Variants in PPP1R12B observed in about 807,000 individuals in gnomAD.
The protein encoded by PPP1R12B is myosin phosphatase target subunit 2.
In PPP1R12B, 76 loss-of-function variants were observed where a neutral mutation model predicts 126.1. The ratio of observed to expected loss-of-function variants is 0.60; its 90% CI spans 0.50 to 0.73. The LOEUF is 0.73. PPP1R12B is among the 30% of genes least tolerant of loss of function. The pLI, the probability that PPP1R12B is intolerant of heterozygous loss-of-function variation, is 0.00. For synonymous variants in PPP1R12B, 356 were observed against 434.7 expected (o/e 0.82, Z 2.25); for missense variants, 1,052 against 1,205.1 (o/e 0.87, Z 1.88).
chr1:202,481,511 T>C (rs1677356459), intron 13 of PPP1R12B, among the ~76,000 whole-genome samples: 1 of 150,224 alleles, frequency 6.7e-6, no homozygotes, highest in Non-Finnish European at 1.5e-5. Flanking sequence ...ACTCTTCTAA[T>C]TTTTTGTTTT....
chr1:202,498,985 A>G (rs1033126612), intron 18 of PPP1R12B, among the ~76,000 whole-genome samples: 1 of 152,142 alleles, frequency 6.6e-6, no homozygotes, highest in African/African-American at 2.4e-5. Flanking sequence ...TCTCTTCCCA[A>G]GACTCTAATA....
chr1:202,445,378 T>A (rs1003614684), intron 12 of PPP1R12B: 1 of 660,540 alleles, frequency 1.5e-6, no homozygotes, highest in African/African-American at 1.9e-5. Context: ...ATGCTTTTGC[T>A]TTGACTTGTA....
At chr1:202,394,241 C>A (rs1664579386) in intron 1 of PPP1R12B, among the ~76,000 whole-genome samples, 1 of 151,402 alleles carries the variant, frequency 6.6e-6, no homozygotes, top group Non-Finnish European at 1.5e-5. Context: ...TCGCGCCAGC[C>A]AAGATCGCAG....
intron 22 of PPP1R12B, among the ~76,000 whole-genome samples, chr1:202,568,625 A>G (rs1269978604): frequency 6.6e-6 from 1 of 152,172 alleles, no homozygotes; most frequent in Non-Finnish European, 1.5e-5. Context: ...GGAAAGAGAA[A>G]TGGAACGGGA....
chr1:202,491,807 A>ATT (rs1163130647), intron 14 of PPP1R12B, among the ~76,000 whole-genome samples: 3 of 152,066 alleles, frequency 2.0e-5, no homozygotes, highest in Non-Finnish European at 4.4e-5. Flanking sequence ...TTTTGAGGAG[A>ATT]TTTTATTAGA....
intron 18 of PPP1R12B, among the ~76,000 whole-genome samples, chr1:202,533,639 T>C (rs981356800): frequency 4.6e-5 from 7 of 152,134 alleles, no homozygotes; most frequent in African/African-American, 7.2e-5. Flanking sequence ...TTTTTGAAGA[T>C]AGCAGGCCAG....
At position 202,564,368 on chromosome 1, in the gene PPP1R12B, C is replaced by T. The variant is rs892967367; in HGVS notation, c.2653-75C>T. On this transcript the variant is annotated intron_variant, in intron 20 of 23. Transcript: ENST00000608999. ...ATAGTGGTGGCTTGGGGCACAGAGCCCTGGGCATTCTCATGTGATGAAATG... is the reference window on the plus strand; with the variant it reads ...ATAGTGGTGGCTTGGGGCACAGAGCTCTGGGCATTCTCATGTGATGAAATG... 5 of 1,106,130 alleles carry T rather than the reference C, an allele frequency of 4.5e-6. No homozygotes were observed. In the Admixed American group the frequency reaches 9.6e-5, roughly 21 times the overall value. 68.5% of individuals were successfully genotyped at this position (1,106,130 alleles called of 1,614,324 possible).
chr1:202,353,112 G>C (rs1656338792), intron 1 of PPP1R12B, among the ~76,000 whole-genome samples: 1 of 152,184 alleles, frequency 6.6e-6, no homozygotes, highest in South Asian at 2.1e-4. Flanking sequence ...GATAGGCTGA[G>C]CAATTTATAT....
intron 13 of PPP1R12B, among the ~76,000 whole-genome samples, chr1:202,451,744 C>T (rs1397928413): frequency 2.0e-5 from 3 of 151,662 alleles, no homozygotes; most frequent in East Asian, 2.0e-4. Flanking sequence ...CCAGTAGGGG[C>T]GGCCGGGCAG....
chr1:202,373,333 G>A (rs1350994248), intron 1 of PPP1R12B, among the ~76,000 whole-genome samples: 1 of 152,142 alleles, frequency 6.6e-6, no homozygotes, highest in African/African-American at 2.4e-5. Flanking sequence ...ATTTTTCAGA[G>A]AAAAATTTGA....
At chr1:202,569,053 C>CTG in intron 22 of PPP1R12B, 94 bp from the exon 23 acceptor site, 2 of 1,379,894 alleles carry the variant, frequency 1.4e-6, no homozygotes, top group Non-Finnish European at 2.1e-6. Context: ...AAACCTTTGA[C>CTG]CGTGAATCTG....
chr1:202,510,846 C>T (rs1474507970), intron 18 of PPP1R12B, among the ~76,000 whole-genome samples: 2 of 147,234 alleles, frequency 1.4e-5, no homozygotes, highest in African/African-American at 5.0e-5. Context: ...TTATCCAATA[C>T]AAGTTTTATT....
At chr1:202,542,248 G>GT (rs1685200946) in intron 18 of PPP1R12B, among the ~76,000 whole-genome samples, 1 of 152,124 alleles carries the variant, frequency 6.6e-6, no homozygotes, top group Non-Finnish European at 1.5e-5. Context: ...TTAACAACTG[G>GT]TTTTGTGATG....
chr1:202,404,324 T>G (rs1202470188), intron 1 of PPP1R12B, among the ~76,000 whole-genome samples: 1 of 152,022 alleles, frequency 6.6e-6, no homozygotes. Flanking sequence ...CCCACCCCCT[T>G]TTTAGTCTAT....
intron 5 of PPP1R12B, 131 bp downstream of exon 5, chr1:202,427,315 C>T (rs1043086277): frequency 4.0e-6 from 5 of 1,253,308 alleles, no homozygotes; most frequent in Admixed American, 2.8e-5. Context: ...TATAATGTTA[C>T]CCTCCACCAC....
At chr1:202,505,067 G>A (rs1041808330) in intron 18 of PPP1R12B, among the ~76,000 whole-genome samples, 8 of 152,152 alleles carry the variant, frequency 5.3e-5, no homozygotes, top group African/African-American at 1.4e-4. Context: ...CACAGAAGTA[G>A]CCCCAAATCT....
intron 1 of PPP1R12B, among the ~76,000 whole-genome samples, chr1:202,389,857 G>A (rs1215927893): frequency 1.3e-5 from 2 of 151,642 alleles, no homozygotes; most frequent in Admixed American, 6.6e-5. Context: ...AGCCTGGGAG[G>A]CGGAGGTTGC....
intron 13 of PPP1R12B, among the ~76,000 whole-genome samples, chr1:202,484,456 A>G (rs1374197716): frequency 6.6e-6 from 1 of 152,182 alleles, no homozygotes; most frequent in Non-Finnish European, 1.5e-5. Flanking sequence ...ACTAATTGTA[A>G]GTGTCACGGG....
At chr1:202,519,262 T>A (rs576753828) in intron 18 of PPP1R12B, among the ~76,000 whole-genome samples, 102 of 151,500 alleles carry the variant, frequency 6.7e-4, no homozygotes, top group East Asian at 1.5e-3. Flanking sequence ...ATTAAAAAAT[T>A]TTTTTTTTTC....
Sources: allele counts gnomAD v4.1 joint callset (sites outside exome capture counted in the v4.1 genomes callset), GRCh38; gene constraint gnomAD v4.1.1; transcripts MANE v1.5; gene names NCBI Gene and HGNC (gene_info 2026-07-23, HGNC 2026-07-21).